Variants in EYA2 observed in about 807,000 individuals in gnomAD.
The protein encoded by EYA2 is protein phosphatase EYA2.
A neutral mutation model predicts 69.2 loss-of-function variants in EYA2; 31 were observed. The observed-to-expected ratio is 0.45, with a 90% CI of 0.34 to 0.60. The LOEUF (loss-of-function observed/expected upper bound fraction) is 0.60, where lower values mean the gene tolerates loss of function less well. EYA2 is among the 20% of genes least tolerant of loss of function. EYA2 has a pLI of 0.02. For missense variants in EYA2, 622 were observed against 701.2 expected (o/e 0.89, Z 1.28); for synonymous variants, 257 against 279.4 (o/e 0.92, Z 0.80).
chr20:47,023,645 T>TG (rs1394777300), intron 5 of EYA2, among the ~76,000 whole-genome samples: 96 of 143,732 alleles, frequency 6.7e-4, no homozygotes, highest in East Asian at 3.2e-3. Context: ...TTTTTTTTTT[T>TG]TTTTTTTTTG....
intron 5 of EYA2, among the ~76,000 whole-genome samples, chr20:47,045,813 G>C (rs2030007890): frequency 6.6e-6 from 1 of 152,182 alleles, no homozygotes; most frequent in South Asian, 2.1e-4. Context: ...CTATAACAAA[G>C]ATCAAAACTA....
At chr20:46,897,012 T>A (rs1224953927) in intron 1 of EYA2, among the ~76,000 whole-genome samples, 1 of 108,212 alleles carries the variant, frequency 9.2e-6, no homozygotes, top group Non-Finnish European at 2.1e-5. Flanking sequence ...TACTTTAGGA[T>A]TTTTTTAAAA....
intron 4 of EYA2, among the ~76,000 whole-genome samples, chr20:47,015,661 C>G (rs1983364192): frequency 6.6e-6 from 1 of 152,176 alleles, no homozygotes. Context: ...TGGCAGGTAG[C>G]ATGAAGCTGG....
At chr20:47,064,408 C>T (rs1450885757) in intron 5 of EYA2, among the ~76,000 whole-genome samples, 1 of 152,216 alleles carries the variant, frequency 6.6e-6, no homozygotes, top group Non-Finnish European at 1.5e-5. Flanking sequence ...GGATCATTTC[C>T]ACCTTTCAGC....
intron 5 of EYA2, among the ~76,000 whole-genome samples, chr20:47,068,237 CAAT>C (rs1380071391): frequency 2.6e-5 from 4 of 152,120 alleles, no homozygotes; most frequent in African/African-American, 7.2e-5. Context: ...ATAAAGCACT[CAAT>C]AATCTCAGTG....
chr20:46,950,700 T>C (rs1030561668), intron 1 of EYA2, among the ~76,000 whole-genome samples: 3 of 152,214 alleles, frequency 2.0e-5, no homozygotes, highest in African/African-American at 7.2e-5. Context: ...GTAGTTTGGC[T>C]TGCTGCACAG....
chr20:46,900,323 T>C (rs1984033371), intron 1 of EYA2, among the ~76,000 whole-genome samples: 1 of 152,220 alleles, frequency 6.6e-6, no homozygotes, highest in African/African-American at 2.4e-5. Context: ...GCTAAATCTG[T>C]CAGTTCCCCT....
intron 5 of EYA2, among the ~76,000 whole-genome samples, chr20:47,021,282 C>A (rs1405857190): frequency 1.3e-5 from 2 of 152,166 alleles, no homozygotes; most frequent in African/African-American, 4.8e-5. Flanking sequence ...GACTGTGGGA[C>A]TGTCTGCATC....
At chr20:47,116,499 G>A (rs1600720432) in intron 9 of EYA2, among the ~76,000 whole-genome samples, 1 of 151,380 alleles carries the variant, frequency 6.6e-6, no homozygotes. Context: ...TTAAAAGGCT[G>A]GAATTGAAAC....
chr20:47,016,265 C>G lies in EYA2; in HGVS notation c.383C>G (p.Thr128Ser). 6.2e-7 allele frequency: 1 copy of G among 1,614,202 alleles called. No individual in the cohort carries two copies. Among genetic ancestry groups the G allele is most frequent in the South Asian group, 1.1e-5 (1 of 91,086 alleles). Reference protein sequence around the residue: ...SYGSSFSTSPTGQSPYTYQMH... With the variant: ...SYGSSFSTSPSGQSPYTYQMH... ...GGCTCCAGCTTCAGCACCTCACCCA[C>G]TGGACAGAGCCCATACACCTACCAG... The change falls in exon 5 of 16, where the codon ACT (threonine) becomes AGT (serine). Residue 128 changes from threonine (T) to serine (S), a missense_variant. Thr to Ser is a moderately conservative substitution (Grantham distance 58). This residue lies in a region of EYA2 where 365 missense variants were observed against 349.7 expected (regional missense o/e 1.04). Transcript: ENST00000327619.
intron 1 of EYA2, among the ~76,000 whole-genome samples, chr20:46,971,117 A>G (rs750493316): frequency 2.0e-5 from 3 of 152,048 alleles, no homozygotes; most frequent in Non-Finnish European, 4.4e-5. Context: ...ATGCACACAC[A>G]CGTAAATGCA....
At chr20:47,012,619 G>A (rs1413863319) in intron 4 of EYA2, among the ~76,000 whole-genome samples, 1 of 152,166 alleles carries the variant, frequency 6.6e-6, no homozygotes, top group African/African-American at 2.4e-5. Context: ...TCAGCTTCCT[G>A]AGTAGCTGGG....
At position 47,074,202 on chromosome 20, in the gene EYA2, G is replaced by C; in HGVS notation, c.528G>C (p.Gln176His). 1 of 1,613,920 alleles carries C rather than the reference G, an allele frequency of 6.2e-7. No homozygotes were observed. The highest frequency in any genetic ancestry group is 8.5e-7 in the Non-Finnish European group (1 of 1,179,918). ...YPGFPQSQYP[Q>H]YYGSSYNPPY... ...GCTTCCCCCAGAGCCAGTACCCCCA[G>C]TATTACGGCTCATCCTACAACCCTC... The change falls in exon 7 of 16, where the codon CAG (glutamine) becomes CAC (histidine). Residue 176 changes from glutamine (Q) to histidine (H), a missense_variant. Transcript: ENST00000327619.
At chr20:47,037,801 A>G (rs1026274603) in intron 5 of EYA2, among the ~76,000 whole-genome samples, 1 of 152,168 alleles carries the variant, frequency 6.6e-6, no homozygotes. Context: ...TCACCTCCCG[A>G]TCTTAAGCTC....
chr20:47,053,122 A>G (rs144758295), intron 5 of EYA2, among the ~76,000 whole-genome samples: 92 of 151,696 alleles, frequency 6.1e-4, no homozygotes, highest in African/African-American at 1.8e-3. Flanking sequence ...CCTTTTTTTC[A>G]TTATTGTCCC....
intron 9 of EYA2, among the ~76,000 whole-genome samples, chr20:47,140,154 G>T (rs2033564762): frequency 6.6e-6 from 1 of 152,216 alleles, no homozygotes; most frequent in Non-Finnish European, 1.5e-5. Context: ...TCAAAGAGGA[G>T]TGTGTGATTG....
chr20:46,983,765 C>T (rs1168817304), intron 1 of EYA2, among the ~76,000 whole-genome samples: 1 of 152,178 alleles, frequency 6.6e-6, no homozygotes, highest in Non-Finnish European at 1.5e-5. Flanking sequence ...TCCCCAGCCC[C>T]ATAAGACTGG....
intron 10 of EYA2, among the ~76,000 whole-genome samples, chr20:47,164,819 A>G (rs2034147716): frequency 6.6e-6 from 1 of 152,196 alleles, no homozygotes; most frequent in African/African-American, 2.4e-5. Flanking sequence ...CAGAGAGAAA[A>G]GAGAGAGGAC....
chr20:47,056,451 A>G (rs2030616124), intron 5 of EYA2, among the ~76,000 whole-genome samples: 1 of 151,946 alleles, frequency 6.6e-6, no homozygotes, highest in South Asian at 2.1e-4. Context: ...CACTTTTGAC[A>G]TCTTCAGTGG....
Sources: allele counts gnomAD v4.1 joint callset (sites outside exome capture counted in the v4.1 genomes callset), GRCh38; gene constraint gnomAD v4.1.1; regional missense constraint gnomAD v4.1.1; transcripts MANE v1.5; gene names NCBI Gene and HGNC (gene_info 2026-07-23, HGNC 2026-07-21).